Variants in LMTK2 observed in about 807,000 individuals in gnomAD.
The protein encoded by LMTK2 is lemur tail kinase 2, also known as serine/threonine-protein kinase LMTK2.
LMTK2 carries 37 observed loss-of-function variants against 127.5 expected under a neutral mutation model. The ratio of observed to expected loss-of-function variants is 0.29; its 90% CI spans 0.22 to 0.38. The LOEUF (loss-of-function observed/expected upper bound fraction) is 0.38, where lower values mean the gene tolerates loss of function less well. LMTK2 is among the 10% of genes least tolerant of loss of function. The pLI, the probability that LMTK2 is intolerant of heterozygous loss-of-function variation, is 1.00. For synonymous variants in LMTK2, 819 were observed against 810.1 expected, an observed-to-expected ratio of 1.01 and a Z score of -0.19; for missense variants, 1,694 against 1,920.3, an observed-to-expected ratio of 0.88 and a Z score of 2.20.
intron 6 of LMTK2, among the ~76,000 whole-genome samples, chr7:98,161,582 G>T (rs1030336014): frequency 2.0e-5 from 3 of 152,152 alleles, no homozygotes; most frequent in Admixed American, 1.3e-4. Context: ...AGGAGTTCTC[G>T]CTGGGATTTC....
intron 1 of LMTK2, chr7:98,126,739 A>G (rs1796451139): frequency 6.6e-6 from 1 of 152,268 alleles, no homozygotes; most frequent in African/African-American, 2.4e-5. Flanking sequence ...AGCTTCGTAT[A>G]AAATGATCTC....
intron 6 of LMTK2, among the ~76,000 whole-genome samples, chr7:98,169,391 T>C (rs1797152028): frequency 6.6e-6 from 1 of 152,250 alleles, no homozygotes; most frequent in South Asian, 2.1e-4. Context: ...GAATATACTT[T>C]AGATACCCTT....
chr7:98,192,599 G>A lies in LMTK2; in HGVS notation c.2134G>A (p.Asp712Asn). The A allele has an allele frequency of 1.2e-6, 2 of 1,613,172 alleles. No individual in the cohort carries two copies. Among genetic ancestry groups the A allele is most frequent in the East Asian group, 4.5e-5 (2 of 44,880 alleles). ...SDNLMHQDNF[D>N]PLNVQELSEN... is the part of the protein sequence containing the mutation. Reference sequence around the variant, plus strand: ...TAATCTTATGCACCAAGATAATTTTGATCCATTGAATGTTCAAGAATTGTC... The same window carrying A: ...TAATCTTATGCACCAAGATAATTTTAATCCATTGAATGTTCAAGAATTGTC... The change falls in exon 11 of 14, where the codon GAT becomes AAT. Residue 712 changes from aspartate (D) to asparagine (N), a missense_variant. This residue lies in a region of LMTK2 where 527 missense variants were observed against 539.8 expected (regional missense o/e 0.98). Coordinates refer to ENST00000297293, the MANE Select transcript of LMTK2 (RefSeq NM_014916.4).
intron 1 of LMTK2, among the ~76,000 whole-genome samples, chr7:98,128,769 G>A (rs1470977366): frequency 6.6e-6 from 1 of 152,156 alleles, no homozygotes; most frequent in African/African-American, 2.4e-5. Context: ...TGCACTGATG[G>A]CCTCCAGTAA....
At chr7:98,175,211 T>G (rs1293256124) in intron 7 of LMTK2, among the ~76,000 whole-genome samples, 1 of 152,154 alleles carries the variant, frequency 6.6e-6, no homozygotes, top group Admixed American at 6.5e-5. Flanking sequence ...GGTCGGTTTT[T>G]GGAAGGAGGT....
chr7:98,163,897 G>T (rs1039057), intron 6 of LMTK2, among the ~76,000 whole-genome samples: 33,126 of 152,196 alleles, frequency 0.22, 3,781 homozygotes, highest in South Asian at 0.38. Flanking sequence ...CTGTGGCCAC[G>T]GTGAAGGACC....
At chr7:98,148,196 GA>G (rs1796799197) in intron 3 of LMTK2, among the ~76,000 whole-genome samples, 1 of 150,742 alleles carries the variant, frequency 6.6e-6, no homozygotes, top group East Asian at 2.0e-4. Context: ...CTGTCTCAAA[GA>G]AAAAAAATTA....
chr7:98,183,470 C>T (rs1453843725), intron 7 of LMTK2, among the ~76,000 whole-genome samples: 1 of 152,154 alleles, frequency 6.6e-6, no homozygotes, highest in Non-Finnish European at 1.5e-5. Flanking sequence ...TTATTGCAGC[C>T]TCCGCCTCTG....
intron 6 of LMTK2, among the ~76,000 whole-genome samples, chr7:98,160,246 C>A (rs1796993432): frequency 6.6e-6 from 1 of 152,166 alleles, no homozygotes; most frequent in Non-Finnish European, 1.5e-5. Context: ...TACCCCAAAA[C>A]AAATTCCCAG....
rs1797794536 is a variant in LMTK2 at position 98,206,139 on chromosome 7, A to C, written c.*647A>C. On this transcript the variant is annotated 3_prime_UTR_variant, in exon 14 of 14. Coordinates refer to ENST00000297293, the MANE Select transcript of LMTK2 (RefSeq NM_014916.4). ...GAAGCTTAAATATTTTGAGTGTTCT[A>C]CTGTGTCTAGGATTGTTGGGATTGT... is the stretch of plus-strand genomic sequence containing the variant. 1 of 152,656 alleles carries C rather than the reference A, an allele frequency of 6.6e-6. No individual in the cohort carries two copies. The highest frequency in any genetic ancestry group is 6.5e-5 in the Admixed American group (1 of 15,340). The allele number at this position is 152,656 out of a possible 1,614,324, so 9.5% of individuals were successfully genotyped here.
chr7:98,172,658 C>T (rs2116426890), intron 7 of LMTK2, among the ~76,000 whole-genome samples: 1 of 152,334 alleles, frequency 6.6e-6, no homozygotes, highest in East Asian at 1.9e-4. Context: ...CTTTAGTCAA[C>T]TTTAAGTAAA....
chr7:98,204,099 G>C lies in LMTK2; in HGVS notation c.4396G>C (p.Ala1466Pro). 6.2e-7 allele frequency: 1 copy of C among 1,613,296 alleles called. No homozygotes were observed. The highest frequency in any genetic ancestry group is 8.5e-7 in the Non-Finnish European group (1 of 1,180,038). Residue 1466 changes from alanine to proline, a missense_variant, in exon 13 of 14, where the codon GCG (alanine) becomes CCG (proline). Ala to Pro is a conservative substitution (Grantham distance 27). Around this residue, in one of 8 missense-constraint regions of LMTK2, gnomAD observed 554 missense variants for 567.7 expected, o/e 0.98. Coordinates refer to ENST00000297293, the MANE Select transcript of LMTK2 (RefSeq NM_014916.4). ...RSTEQSWPHSAPYSRFSISPA... is the reference protein window; with the variant it reads ...RSTEQSWPHSPPYSRFSISPA... ...CACGGAGCAGAGCTGGCCGCACTCG[G>C]CGCCTTACTCCCGGTTCTCCATCTC... is the stretch of plus-strand genomic sequence containing the variant.
At position 98,171,423 on chromosome 7, in the gene LMTK2, G is replaced by T; in HGVS notation, c.658-118G>T. 3 of 1,326,510 alleles carry T rather than the reference G, an allele frequency of 2.3e-6. No individual in the cohort carries two copies. The highest frequency in any genetic ancestry group is 2.4e-5 in the South Asian group (2 of 83,382). The allele number at this position is 1,326,510 out of a possible 1,614,324, so 82.2% of individuals were successfully genotyped here. The stretch of plus-strand genomic sequence containing the variant: ...ATTGGGTTGGAACTTCTTTAAGTAT[G>T]AACAAAAGAAGTTTCTAATAAATAA... On this transcript the variant is annotated intron_variant, in intron 6 of 13. Coordinates refer to ENST00000297293, the MANE Select transcript of LMTK2 (RefSeq NM_014916.4). The surrounding 1 kb of genome is among the most constrained non-coding windows in gnomAD (Gnocchi z 5.1).
At position 98,141,517 on chromosome 7, in the gene LMTK2, C is replaced by G; in HGVS notation, c.352C>G (p.Pro118Ala). The G allele has an allele frequency of 6.2e-7, 1 of 1,614,084 alleles. No homozygotes were observed. Among genetic ancestry groups the G allele is most frequent in the South Asian group, 1.1e-5 (1 of 91,078 alleles). ...AGTACCAAATATTTCACTCCCAGCTCCCTCGCAATTCCAGCCTTCTGTAGG... is the reference window on the plus strand; with the variant it reads ...AGTACCAAATATTTCACTCCCAGCTGCCTCGCAATTCCAGCCTTCTGTAGG... ...LSVPNISLPA[P>A]SQFQPSVEGL... Residue 118 changes from proline to alanine, a missense_variant, in exon 3 of 14, where the codon CCC (proline) becomes GCC (alanine). By Grantham distance (27) the Pro-to-Ala change is conservative (BLOSUM62 -1). This residue lies in a region of LMTK2 where 203 missense variants were observed against 226.2 expected (regional missense o/e 0.90). Transcript: ENST00000297293.
At chr7:98,181,435 C>T (rs1797354089) in intron 7 of LMTK2, among the ~76,000 whole-genome samples, 1 of 152,118 alleles carries the variant, frequency 6.6e-6, no homozygotes, top group Non-Finnish European at 1.5e-5. Context: ...AAAAGCATAT[C>T]CTAAAATTCA....
chr7:98,205,775 G>T lies in LMTK2; in HGVS notation c.*283G>T, dbSNP rs574310549. Reference sequence around the variant, plus strand: ...TGCTCATGCGCTGGCCGTCGGGGGAGGCAGGGGCACAGCCTCCATGTGCGC... The same window carrying T: ...TGCTCATGCGCTGGCCGTCGGGGGATGCAGGGGCACAGCCTCCATGTGCGC... On this transcript the variant is annotated 3_prime_UTR_variant, in exon 14 of 14. Coordinates refer to ENST00000297293, the MANE Select transcript of LMTK2 (RefSeq NM_014916.4). 1 of 537,074 alleles carries T rather than the reference G, an allele frequency of 1.9e-6. No individual in the cohort carries two copies. Among genetic ancestry groups the T allele is most frequent in the East Asian group, 3.1e-5 (1 of 32,244 alleles). 33.3% of individuals were successfully genotyped at this position (537,074 alleles called of 1,614,324 possible).
intron 6 of LMTK2, among the ~76,000 whole-genome samples, chr7:98,165,639 CG>C (rs925935283): frequency 3.3e-5 from 5 of 152,098 alleles, no homozygotes; most frequent in Non-Finnish European, 7.4e-5. Context: ...CCACTACCAG[CG>C]GGAGGCCTCC....
intron 6 of LMTK2, among the ~76,000 whole-genome samples, chr7:98,160,406 T>A (rs571584184): frequency 1.3e-5 from 2 of 152,252 alleles, no homozygotes; most frequent in Non-Finnish European, 2.9e-5. Flanking sequence ...TGTTGGATTA[T>A]GTAATAGTTA....
At chr7:98,185,161 A>C (rs946700951) in intron 8 of LMTK2, 26 bp downstream of exon 8, 4 of 1,496,748 alleles carry the variant, frequency 2.7e-6, no homozygotes, top group African/African-American at 2.7e-5. Flanking sequence ...AAATGTTTTC[A>C]GTCTGATTTA....
Sources: gnomAD v4.1 joint callset for allele counts (sites outside exome capture counted in the v4.1 genomes callset) on GRCh38, gnomAD v4.1.1 for gene constraint, gnomAD v4.1.1 regional missense constraint, Gnocchi (gnomAD v3.1) non-coding constraint, MANE v1.5 for transcripts, NCBI Gene and HGNC (gene_info 2026-07-23, HGNC 2026-07-21) for gene names.